CSMD1: variants seen among roughly 807,000 people sequenced by gnomAD.
CSMD1 encodes CUB and Sushi multiple domains 1, also known as CUB and sushi domain-containing protein 1.
A neutral mutation model predicts 417.5 loss-of-function variants in CSMD1; 213 were observed. The observed-to-expected ratio is 0.51, with a 90% CI of 0.46 to 0.57. CSMD1 has a LOEUF of 0.57. Ranked by LOEUF, CSMD1 falls within the 20% of genes least tolerant of loss-of-function variation. CSMD1 has a pLI of 0.00. For missense variants in CSMD1, 6,923 were observed against 4,529.7 expected (o/e 1.53, Z -15.17); for synonymous variants, 2,862 against 1,736.8 (o/e 1.65, Z -16.11).
intron 3 of CSMD1, among the ~76,000 whole-genome samples, chr8:4,288,248 G>T (rs969958793): frequency 1.3e-5 from 2 of 152,140 alleles, no homozygotes; most frequent in African/African-American, 4.8e-5. Flanking sequence ...GTGCCTTCAT[G>T]AGTTTCTGAC....
intron 1 of CSMD1, among the ~76,000 whole-genome samples, chr8:4,730,705 C>A (rs1449891061): frequency 2.0e-5 from 3 of 151,628 alleles, no homozygotes; most frequent in Non-Finnish European, 1.5e-5. Flanking sequence ...CGTGCCACTG[C>A]ACTCCAGCCT....
chr8:3,499,608 G>C (rs527833079), intron 10 of CSMD1, among the ~76,000 whole-genome samples: 27 of 152,150 alleles, frequency 1.8e-4, no homozygotes, highest in African/African-American at 6.5e-4. Flanking sequence ...CAAGAATTCA[G>C]CTCTCAGGGT....
chr8:4,074,675 C>A (rs1437973634), intron 3 of CSMD1, among the ~76,000 whole-genome samples: 3 of 151,636 alleles, frequency 2.0e-5, no homozygotes, highest in African/African-American at 7.3e-5. Context: ...GACAATGGTA[C>A]GTTAAAATTT....
chr8:4,016,012 T>C (rs1260818414), intron 4 of CSMD1, among the ~76,000 whole-genome samples: 2 of 152,196 alleles, frequency 1.3e-5, no homozygotes, highest in Admixed American at 6.5e-5. Flanking sequence ...TATCAGCCAC[T>C]GTCTTTCAGC....
intron 3 of CSMD1, among the ~76,000 whole-genome samples, chr8:4,122,783 T>A (rs965726357): frequency 1.3e-5 from 2 of 152,280 alleles, no homozygotes; most frequent in South Asian, 4.1e-4. Context: ...TGGAAGTCAC[T>A]GTCTTCCATC....
chr8:4,652,296 G>A (rs1287049320), intron 1 of CSMD1, among the ~76,000 whole-genome samples: 1 of 152,168 alleles, frequency 6.6e-6, no homozygotes, highest in African/African-American at 2.4e-5. Context: ...AGGAATAACT[G>A]TGAAGAGACA....
intron 3 of CSMD1, among the ~76,000 whole-genome samples, chr8:4,169,230 G>A (rs891337193): frequency 3.3e-5 from 5 of 152,244 alleles, no homozygotes; most frequent in African/African-American, 7.2e-5. Context: ...AAGTCCAGCA[G>A]TGTTCTCAAT....
intron 3 of CSMD1, among the ~76,000 whole-genome samples, chr8:4,315,488 G>C (rs1427278983): frequency 6.6e-6 from 1 of 152,026 alleles, no homozygotes; most frequent in East Asian, 1.9e-4. Context: ...CAAGATAAAG[G>C]ATAAATAAAA....
In CSMD1 at chr8:3,657,096, C is replaced by A. The variant is rs542191836; in HGVS notation, c.1010-40299G>T. Among the ~76,000 whole-genome samples, 21 of 152,226 alleles carry A rather than the reference C, an allele frequency of 1.4e-4. No individual in the cohort carries two copies. In the South Asian group the frequency reaches 2.5e-3, roughly 18 times the overall value. On this transcript the variant is annotated intron_variant, in intron 7 of 69. Transcript: ENST00000635120. The stretch of plus-strand genomic sequence containing the variant: ...GAGAGAGTCCACTACCGAGTTGCTG[C>A]ACTGGACATTGTCATTGGAGAATAT...
chr8:3,475,022 C>T (rs543854125), intron 11 of CSMD1, among the ~76,000 whole-genome samples: 2 of 152,226 alleles, frequency 1.3e-5, no homozygotes, highest in Admixed American at 1.3e-4. Flanking sequence ...TCAGCTCCAG[C>T]CATATTTATT....
chr8:4,668,566 C>T (rs1298873060), intron 1 of CSMD1, among the ~76,000 whole-genome samples: 2 of 151,778 alleles, frequency 1.3e-5, no homozygotes, highest in Admixed American at 6.6e-5. Context: ...TCTCCTGCCT[C>T]AGCCTCCAGA....
chr8:3,276,027 T>A (rs1260738602), intron 26 of CSMD1, among the ~76,000 whole-genome samples: 4 of 152,314 alleles, frequency 2.6e-5, no homozygotes, highest in African/African-American at 9.6e-5. Context: ...GTTTCCAGTT[T>A]TTCTGCTCTG....
rs186328587 is a variant in CSMD1, at chr8:3,455,912, G to A, written c.1561+12800C>T. 6.6e-3 allele frequency among the ~76,000 whole-genome samples: 1,000 copies of A among 152,320 alleles called. 16 individuals carry two copies. Among genetic ancestry groups the A allele is most frequent in the African/African-American group, 0.022 (914 of 41,564 alleles). Reference sequence around the variant, plus strand: ...TGGCTATGCCCTGCCCCCAGAGGTGGAGTCTACAGAGGCAGGCAGGCCTCC... The same window carrying A: ...TGGCTATGCCCTGCCCCCAGAGGTGAAGTCTACAGAGGCAGGCAGGCCTCC... On this transcript the variant is annotated intron_variant, in intron 12 of 69. Transcript: ENST00000635120.
chr8:4,850,826 G>A (rs12543335), intron 1 of CSMD1, among the ~76,000 whole-genome samples: 31,459 of 151,762 alleles, frequency 0.21, 4,066 homozygotes, highest in Non-Finnish European at 0.29. Flanking sequence ...TCAACCAGTG[G>A]CATCCTTTTG....
intron 2 of CSMD1, among the ~76,000 whole-genome samples, chr8:4,617,831 T>C (rs1224830331): frequency 6.6e-6 from 1 of 152,284 alleles, no homozygotes; most frequent in South Asian, 2.1e-4. Context: ...CATGAGTATA[T>C]TCATTGGAAG....
chr8:3,727,637 A>G (rs1802570432), intron 6 of CSMD1, among the ~76,000 whole-genome samples: 1 of 152,242 alleles, frequency 6.6e-6, no homozygotes, highest in Non-Finnish European at 1.5e-5. Flanking sequence ...AATAATGGAA[A>G]GCTGGGATTC....
chr8:3,380,316 T>C (rs1810555971), intron 18 of CSMD1, among the ~76,000 whole-genome samples: 1 of 152,198 alleles, frequency 6.6e-6, no homozygotes, highest in Non-Finnish European at 1.5e-5. Flanking sequence ...TCAACCATTG[T>C]GGAAGACAGT....
chr8:3,129,610 A>G (rs929444011), intron 41 of CSMD1, among the ~76,000 whole-genome samples: 1 of 151,804 alleles, frequency 6.6e-6, no homozygotes, highest in Admixed American at 6.6e-5. Flanking sequence ...CCTTCTCTAT[A>G]CTAAAAGTAC....
chr8:3,438,364 A>C (rs1333370338), intron 12 of CSMD1, among the ~76,000 whole-genome samples: 3 of 152,138 alleles, frequency 2.0e-5, no homozygotes, highest in Non-Finnish European at 4.4e-5. Context: ...TGAGATACAG[A>C]ACATGTCCAG....
Sources: gnomAD v4.1 joint callset for allele counts (sites outside exome capture counted in the v4.1 genomes callset) on GRCh38, gnomAD v4.1.1 for gene constraint, MANE v1.5 for transcripts, NCBI Gene and HGNC (gene_info 2026-07-23, HGNC 2026-07-21) for gene names.